Variants in DDI2 observed in about 807,000 individuals in gnomAD.
DDI2 encodes DDI proteasomal shuttling factor 2.
In DDI2, 5 loss-of-function variants were observed where a neutral mutation model predicts 48.1. That is an observed-to-expected ratio of 0.10 (90% CI 0.05 to 0.22). The LOEUF (loss-of-function observed/expected upper bound fraction) is 0.22. DDI2 is among the 10% of genes least tolerant of loss of function. The pLI, the probability that DDI2 is intolerant of heterozygous loss-of-function variation, is 1.00. For missense variants in DDI2, 285 were observed against 506.2 expected (o/e 0.56, Z 4.19); for synonymous variants, 205 against 183.6 (o/e 1.12, Z -0.94).
rs1263185583 is a variant in DDI2 at position 15,630,421 on chromosome 1, C to T, written c.365C>T (p.Pro122Leu). The T allele has an allele frequency of 6.2e-7, 1 of 1,614,116 alleles. No individual in the cohort carries two copies. Among genetic ancestry groups the T allele is most frequent in the East Asian group, 2.2e-5 (1 of 44,898 alleles). Residue 122 changes from proline (P) to leucine (L), a missense_variant, in exon 3 of 10, where the codon CCT becomes CTT. Physicochemically the swap from Pro to Leu is moderately conservative, Grantham distance 98. This residue lies in a region of DDI2 where 149 missense variants were observed against 236.5 expected (regional missense o/e 0.63). Coordinates refer to ENST00000480945, the MANE Select transcript of DDI2 (RefSeq NM_032341.5). ...GGAACACAGCAGTCCCACTCATCTCCTGGAGAAATAACTTCATCTCCTCAG... is the reference window on the plus strand; with the variant it reads ...GGAACACAGCAGTCCCACTCATCTCTTGGAGAAATAACTTCATCTCCTCAG... The part of the protein sequence containing the change: ...PPGTQQSHSS[P>L]GEITSSPQGL...
chr1:15,653,319 A>G (rs79208691), intron 8 of DDI2, among the ~76,000 whole-genome samples: 10,388 of 151,596 alleles, frequency 0.069, 401 homozygotes, highest in South Asian at 0.077. Flanking sequence ...TCTGCTGCCC[A>G]TGCTGGAGTG....
At chr1:15,623,539 A>G (rs897726384) in intron 1 of DDI2, among the ~76,000 whole-genome samples, 2 of 112,390 alleles carry the variant, frequency 1.8e-5, no homozygotes, top group East Asian at 2.0e-4. Context: ...GACTACAGGC[A>G]TATGCTACCA....
intron 1 of DDI2, among the ~76,000 whole-genome samples, chr1:15,618,456 CTGTT>C (rs970730771): frequency 8.5e-5 from 13 of 152,248 alleles, no homozygotes; most frequent in East Asian, 3.9e-4. Context: ...TCAACTCAAG[CTGTT>C]TGTTTGTTTC....
chr1:15,617,472 G>GCGGC lies in DDI2; in HGVS notation c.-197_-196insGCCG, dbSNP rs1221104457. On this transcript the variant is annotated 5_prime_UTR_variant, in exon 1 of 10. Coordinates refer to ENST00000480945, the MANE Select transcript of DDI2 (RefSeq NM_032341.5). ...GGCCGGCAGGCAGACGGACTCGCAG[G>GCGGC]CGTGTGGCGGCGGCCGTGCTTGCTA... 2.9e-6 allele frequency: 1 copy of GCGGC among 346,288 alleles called. No individual in the cohort carries two copies. The allele number at this position is 346,288 out of a possible 1,614,324, so 21.5% of individuals were successfully genotyped here.
chr1:15,642,863 C>A (rs979474679), intron 5 of DDI2, among the ~76,000 whole-genome samples: 24 of 152,268 alleles, frequency 1.6e-4, no homozygotes, highest in Non-Finnish European at 2.8e-4. Context: ...GTCAGGAGAT[C>A]GAGACCATCC....
rs117200484 is a variant in DDI2 at position 15,628,008 on chromosome 1, C to A, written c.268+1210C>A. Among the ~76,000 whole-genome samples, 65 of 152,174 alleles carry A rather than the reference C, an allele frequency of 4.3e-4. 1 individual carries two copies. In the East Asian group the frequency reaches 7.7e-3, roughly 18 times the overall value. On this transcript the variant is annotated intron_variant, in intron 2 of 9. Coordinates refer to ENST00000480945, the MANE Select transcript of DDI2 (RefSeq NM_032341.5). Reference sequence around the variant, plus strand: ...AAACAACTATGACAATCAGTAAAAACCACATCTTCCTTTGGTTAATTTGAT... The same window carrying A: ...AAACAACTATGACAATCAGTAAAAAACACATCTTCCTTTGGTTAATTTGAT...
Position 15,659,885 on chromosome 1 carries a change from C to G in DDI2, c.*95C>G. On this transcript the variant is annotated 3_prime_UTR_variant, in exon 10 of 10. Coordinates refer to ENST00000480945, the MANE Select transcript of DDI2 (RefSeq NM_032341.5). ...TCACTGGGAATGTCATCATTACCAA[C>G]TTCAGATGGGTTTAACCATCCCGCC... The G allele has an allele frequency of 6.3e-7, 1 of 1,586,450 alleles. No individual in the cohort carries two copies. Among genetic ancestry groups the G allele is most frequent in the South Asian group, 1.2e-5 (1 of 85,856 alleles).
intron 1 of DDI2, 129 bp downstream of exon 1, chr1:15,617,937 C>A (rs1482839288): frequency 2.3e-6 from 3 of 1,312,682 alleles, no homozygotes; most frequent in Non-Finnish European, 3.0e-6. Flanking sequence ...TCTCAGGTCA[C>A]CCCCGCATCC....
chr1:15,627,280 CATA>C (rs1327461011), intron 2 of DDI2, among the ~76,000 whole-genome samples: 1 of 152,106 alleles, frequency 6.6e-6, no homozygotes. Context: ...TACTAATTTG[CATA>C]ATAATTTATA....
intron 5 of DDI2, among the ~76,000 whole-genome samples, chr1:15,641,848 G>A (rs760598316): frequency 6.0e-5 from 9 of 151,200 alleles, no homozygotes; most frequent in Admixed American, 1.3e-4. Context: ...CCAGCTACTC[G>A]GGAGGCTGAG....
Position 15,665,696 on chromosome 1 carries a change from T to C in DDI2, c.*5906T>C, listed in dbSNP as rs372384361. ...TATCTACAGACGTACTCTTCACTTA[T>C]GGTGGCTTTTATCCCGCCACATATA... On this transcript the variant is annotated 3_prime_UTR_variant, in exon 10 of 10. Coordinates refer to ENST00000480945, the MANE Select transcript of DDI2 (RefSeq NM_032341.5). 9 of 152,338 alleles carry C rather than the reference T, an allele frequency of 5.9e-5. No individual in the cohort carries two copies. In the East Asian group the frequency reaches 9.6e-4, roughly 16 times the overall value. 9.4% of individuals were successfully genotyped at this position (152,338 alleles called of 1,614,324 possible).
chr1:15,654,735 G>A (rs754107354), intron 8 of DDI2, among the ~76,000 whole-genome samples: 2 of 151,408 alleles, frequency 1.3e-5, no homozygotes, highest in African/African-American at 2.4e-5. Flanking sequence ...AGTTTTGGTT[G>A]TAACTTAAGT....
intron 6 of DDI2, among the ~76,000 whole-genome samples, chr1:15,647,272 C>T (rs1388116443): frequency 6.6e-6 from 1 of 151,876 alleles, no homozygotes; most frequent in African/African-American, 2.4e-5. Context: ...CTCAGCCTCC[C>T]GAATAGCTGG....
chr1:15,645,608 C>T (rs1050029042), intron 6 of DDI2, among the ~76,000 whole-genome samples: 1 of 151,920 alleles, frequency 6.6e-6, no homozygotes, highest in African/African-American at 2.4e-5. Flanking sequence ...ATGGCTCACA[C>T]CTATAATCCC....
At chr1:15,634,705 C>G (rs1639901250) in intron 4 of DDI2, among the ~76,000 whole-genome samples, 1 of 151,330 alleles carries the variant, frequency 6.6e-6, no homozygotes, top group Non-Finnish European at 1.5e-5. Flanking sequence ...CTAATTTTTT[C>G]ATTTTTTGTA....
chr1:15,645,505 A>G (rs1640076912), intron 6 of DDI2, among the ~76,000 whole-genome samples: 2 of 151,924 alleles, frequency 1.3e-5, no homozygotes, highest in Non-Finnish European at 2.9e-5. Context: ...TGGATTTTGT[A>G]TTTGTTTGTA....
intron 3 of DDI2, among the ~76,000 whole-genome samples, chr1:15,632,777 A>C (rs192436501): frequency 3.9e-5 from 6 of 152,248 alleles, no homozygotes; most frequent in African/African-American, 1.4e-4. Context: ...TAGGATAATG[A>C]GAACAATGAG....
chr1:15,652,778 G>A (rs1008076391), intron 8 of DDI2, among the ~76,000 whole-genome samples: 4 of 151,796 alleles, frequency 2.6e-5, no homozygotes, highest in Non-Finnish European at 4.4e-5. Flanking sequence ...AGCTGAGATC[G>A]CACCACTGCA....
rs1366272714 is a variant in DDI2 at position 15,660,556 on chromosome 1, G to A, written c.*766G>A. ...CCCACAGAATGTGGATCCTCCAAGT[G>A]CGAAGAAAAGTATTCCATCTTCAGA... On this transcript the variant is annotated 3_prime_UTR_variant, in exon 10 of 10. Transcript: ENST00000480945. 2 of 1,613,236 alleles carry A rather than the reference G, an allele frequency of 1.2e-6. No individual in the cohort carries two copies. Among genetic ancestry groups the A allele is most frequent in the South Asian group, 1.1e-5 (1 of 90,778 alleles).
Sources: allele counts gnomAD v4.1 joint callset (sites outside exome capture counted in the v4.1 genomes callset), GRCh38; gene constraint gnomAD v4.1.1; regional missense constraint gnomAD v4.1.1; transcripts MANE v1.5; gene names NCBI Gene and HGNC (gene_info 2026-07-23, HGNC 2026-07-21).